The following NTM variants were observed in gnomAD, a reference collection of about 807,000 sequenced individuals.
NTM encodes the protein IgLON family member 2.
In NTM, 13 loss-of-function variants were observed where a neutral mutation model predicts 42.1. That is an observed-to-expected ratio of 0.31 (90% confidence interval 0.20 to 0.49). The LOEUF (loss-of-function observed/expected upper bound fraction) is 0.49. NTM is among the 20% of genes least tolerant of loss of function. The pLI, the probability that NTM is intolerant of heterozygous loss-of-function variation, is 0.99. For missense variants in NTM, 373 were observed against 452.8 expected (o/e 0.82, Z 1.60); for synonymous variants, 187 against 179.2 (o/e 1.04, Z -0.35).
intron 1 of NTM, among the ~76,000 whole-genome samples, chr11:131,873,994 T>C (rs369480815): frequency 1.1e-5 from 1 of 87,164 alleles, no homozygotes; most frequent in Non-Finnish European, 2.7e-5. Flanking sequence ...TTATATATAT[T>C]ATATTTACAT....
At chr11:131,387,523 G>C (rs1250062613) in intron 1 of NTM, among the ~76,000 whole-genome samples, 6 of 152,186 alleles carry the variant, frequency 3.9e-5, no homozygotes, top group African/African-American at 1.4e-4. Flanking sequence ...ATAAGACCAG[G>C]AAAAGAATTT....
At chr11:131,715,092 C>A (rs1848082) in intron 1 of NTM, among the ~76,000 whole-genome samples, 34,946 of 151,988 alleles carry the variant, frequency 0.23, 4,774 homozygotes, top group African/African-American at 0.37. Flanking sequence ...TGATACAAAA[C>A]CAGAAAAGGG....
rs543512332 is a variant in NTM, at chr11:131,952,893, T to A, written c.167+41245T>A. Among the ~76,000 whole-genome samples, 3 of 152,332 alleles carry A rather than the reference T, an allele frequency of 2.0e-5. No homozygotes were observed. The East Asian group carries it at 5.8e-4, about 29-fold the overall frequency. ...TGCTATCTATCATGATAGGCCTTGA[T>A]GCCCCAGAGAACAGAAAGGAAAGGC... On this transcript the variant is annotated intron_variant, in intron 2 of 8. Transcript: ENST00000683400.
intron 1 of NTM, among the ~76,000 whole-genome samples, chr11:131,819,157 A>G (rs1017930039): frequency 6.6e-6 from 1 of 152,146 alleles, no homozygotes; most frequent in Non-Finnish European, 1.5e-5. Flanking sequence ...ACGAAACCCC[A>G]TGAGTCCAGG....
chr11:131,652,741 T>A (rs1051901715), intron 1 of NTM, among the ~76,000 whole-genome samples: 1 of 152,068 alleles, frequency 6.6e-6, no homozygotes, highest in Non-Finnish European at 1.5e-5. Flanking sequence ...GCTTTCTCAA[T>A]GAAAACAAGC....
intron 4 of NTM, among the ~76,000 whole-genome samples, chr11:132,259,488 C>T (rs574643563): frequency 2.2e-3 from 335 of 151,834 alleles, no homozygotes; most frequent in African/African-American, 7.9e-3. Context: ...GAGACCAGCC[C>T]GACCAACATG....
chr11:131,527,841 C>T (rs974280645), intron 1 of NTM, among the ~76,000 whole-genome samples: 4 of 151,872 alleles, frequency 2.6e-5, no homozygotes, highest in Non-Finnish European at 5.9e-5. Flanking sequence ...CAATCTGACT[C>T]TTTGGTAGAT....
At chr11:131,711,472 C>G (rs531162333) in intron 1 of NTM, among the ~76,000 whole-genome samples, 3,748 of 152,228 alleles carry the variant, frequency 0.025, 150 homozygotes, top group African/African-American at 0.085. Flanking sequence ...ATTAAAAAGT[C>G]AGGAAACAAC....
At chr11:132,329,317 C>T (rs1188831923) in intron 7 of NTM, among the ~76,000 whole-genome samples, 2 of 152,198 alleles carry the variant, frequency 1.3e-5, no homozygotes, top group South Asian at 2.1e-4. Context: ...CAAATTCAGG[C>T]CAAACAAGGC....
intron 1 of NTM, among the ~76,000 whole-genome samples, chr11:131,901,201 G>A (rs962000395): frequency 6.6e-6 from 1 of 152,204 alleles, no homozygotes; most frequent in Admixed American, 6.5e-5. Flanking sequence ...GAGACTCTGA[G>A]AGGTGAGAAC....
intron 3 of NTM, among the ~76,000 whole-genome samples, chr11:132,162,648 GTGTT>G (rs2074561099): frequency 1.3e-5 from 2 of 150,400 alleles, no homozygotes; most frequent in African/African-American, 4.9e-5. Context: ...GGGCATGTGT[GTGTT>G]TGTGGGGCTT....
intron 2 of NTM, among the ~76,000 whole-genome samples, chr11:132,040,625 G>A (rs1027595131): frequency 4.6e-5 from 7 of 152,066 alleles, no homozygotes; most frequent in Non-Finnish European, 1.0e-4. Context: ...TATGCTAAGG[G>A]GTCTTGTTCC....
chr11:132,220,851 A>G (rs1027553309), intron 4 of NTM, among the ~76,000 whole-genome samples: 10 of 152,230 alleles, frequency 6.6e-5, no homozygotes, highest in African/African-American at 2.4e-4. Context: ...TAGCTCAGTA[A>G]GATGCAAAGT....
chr11:132,275,468 G>T (rs2093668275), intron 4 of NTM, among the ~76,000 whole-genome samples: 2 of 151,688 alleles, frequency 1.3e-5, no homozygotes, highest in Non-Finnish European at 2.9e-5. Flanking sequence ...GAGATAGTAT[G>T]AATTCTCCAA....
chr11:131,538,722 G>C (rs56239239), intron 1 of NTM: 1 of 152,262 alleles, frequency 6.6e-6, no homozygotes, highest in Non-Finnish European at 1.5e-5. Flanking sequence ...CTAGTTGTTT[G>C]TTAAAGGGCA....
chr11:131,870,974 C>A (rs761319923), intron 1 of NTM, among the ~76,000 whole-genome samples: 5 of 152,116 alleles, frequency 3.3e-5, no homozygotes. Flanking sequence ...AAGGACCTGA[C>A]CTAACCTAAA....
intron 2 of NTM, among the ~76,000 whole-genome samples, chr11:132,079,186 AAAAT>A (rs1200151202): frequency 6.6e-6 from 1 of 152,226 alleles, no homozygotes; most frequent in African/African-American, 2.4e-5. Flanking sequence ...CATAATAATG[AAAAT>A]AATGATACTA....
chr11:131,622,001 A>G (rs1160009371), intron 1 of NTM, among the ~76,000 whole-genome samples: 1 of 152,166 alleles, frequency 6.6e-6, no homozygotes, highest in Admixed American at 6.5e-5. Flanking sequence ...GGGAAAGTAC[A>G]TGAGCCAGGA....
At chr11:131,766,495 G>A (rs971405174) in intron 1 of NTM, among the ~76,000 whole-genome samples, 11 of 152,226 alleles carry the variant, frequency 7.2e-5, no homozygotes, top group Middle Eastern at 3.4e-3. Flanking sequence ...GTACGTCAAG[G>A]CTGTCATTAT....
Sources: allele counts gnomAD v4.1 joint callset (sites outside exome capture counted in the v4.1 genomes callset), GRCh38; gene constraint gnomAD v4.1.1; transcripts MANE v1.5; gene names NCBI Gene and HGNC (gene_info 2026-07-23, HGNC 2026-07-21).